The following USP17L7 variants were observed in gnomAD, a reference collection of about 807,000 sequenced individuals.
USP17L7 encodes inactive ubiquitin carboxyl-terminal hydrolase 17-like protein 7.
In USP17L7, 53 loss-of-function variants were observed where a neutral mutation model predicts 37.6. The ratio of observed to expected loss-of-function variants is 1.41; its 90% CI spans 1.13 to 1.77. The LOEUF (loss-of-function observed/expected upper bound fraction) is 1.77. USP17L7 is among the 40% of genes most tolerant of loss of function. The pLI is 0.00. For missense variants in USP17L7, 914 were observed against 645.0 expected, an observed-to-expected ratio of 1.42 and a Z score of -4.52; for synonymous variants, 330 against 251.0, an observed-to-expected ratio of 1.31 and a Z score of -2.98.
Position 12,132,994 on chromosome 8 carries a change from A to G in USP17L7, c.1016T>C (p.Val339Ala), listed in dbSNP as rs1339259945. The G allele has an allele frequency of 1.8e-5, 28 of 1,531,542 alleles. 3 individuals are homozygous for G. The highest frequency in any genetic ancestry group is 4.2e-5 in the African/African-American group (3 of 72,090). The allele number at this position is 1,531,542 out of a possible 1,614,324, so 94.9% of individuals were successfully genotyped here. A position where few individuals can be genotyped will look rare whatever the true frequency, so the allele number is the denominator to read the frequency against. The change falls in exon 1 of 1, where the codon GTC (valine) becomes GCC (alanine). Residue 339 changes from valine to alanine, a missense_variant. Val to Ala is a moderately conservative substitution (Grantham distance 64). Coordinates refer to ENST00000530447, the MANE Select transcript of USP17L7 (RefSeq NM_001256869.2). ...ATACCACTGGCCTTCTTGAGCTTTGACATAAGAGAAGTAATGTCCGTTGTG... is the reference window on the plus strand; with the variant it reads ...ATACCACTGGCCTTCTTGAGCTTTGGCATAAGAGAAGTAATGTCCGTTGTG... ...SCHNGHYFSY[V>A]KAQEGQWYKM...
Position 12,133,788 on chromosome 8 carries a change from TCTC to T in USP17L7, c.219_221del (p.Arg74del), listed in dbSNP as rs759940117. 11 of 1,500,700 alleles carry T rather than the reference TCTC, an allele frequency of 7.3e-6. No homozygotes were observed. Among genetic ancestry groups the T allele is most frequent in the Middle Eastern group, 2.5e-4 (1 of 4,076 alleles). 93.0% of individuals were successfully genotyped at this position (1,500,700 alleles called of 1,614,324 possible). A position where few individuals can be genotyped will look rare whatever the true frequency, so the allele number is the denominator to read the frequency against. ...GGAGCCCAGCCCCCACCGCAGCAGG[TCTC>T]CTGCTACTCAGAGGAAGCTTCTCCC... On this transcript the variant is annotated inframe_deletion, in exon 1 of 1. Transcript: ENST00000530447.
In USP17L7 at chr8:12,133,792, C is replaced by CT; in HGVS notation, c.217dup (p.Arg73LysfsTer83). Reference sequence around the variant, plus strand: ...CCCAGCCCCCACCGCAGCAGGTCTCCTGCTACTCAGAGGAAGCTTCTCCCT... The same window carrying CT: ...CCCAGCCCCCACCGCAGCAGGTCTCCTTGCTACTCAGAGGAAGCTTCTCCCT... On this transcript the variant is annotated frameshift_variant, in exon 1 of 1. Coordinates refer to ENST00000530447, the MANE Select transcript of USP17L7 (RefSeq NM_001256869.2). LOFTEE classifies it high-confidence loss of function. 1 of 1,511,842 alleles carries CT rather than the reference C, an allele frequency of 6.6e-7. No individual in the cohort carries two copies. The highest frequency in any genetic ancestry group is 9.0e-7 in the Non-Finnish European group (1 of 1,111,488). 93.7% of individuals were successfully genotyped at this position (1,511,842 alleles called of 1,614,324 possible).
In USP17L7 at chr8:12,133,307, G is replaced by C; in HGVS notation, c.703C>G (p.Gln235Glu). 6.6e-7 allele frequency: 1 copy of C among 1,514,442 alleles called. No individual in the cohort carries two copies. The highest frequency in any genetic ancestry group is 8.9e-7 in the Non-Finnish European group (1 of 1,118,824). 93.8% of individuals were successfully genotyped at this position (1,514,442 alleles called of 1,614,324 possible). ...LDIQAAQSVK[Q>E]ALEQLVKPKE... is the part of the protein sequence containing the mutation. The stretch of plus-strand genomic sequence containing the variant: ...GGCTTCACCAACTGTTCCAAAGCTT[G>C]CTTGACACTCTGAGCTGCCTGGATA... Residue 235 changes from glutamine (Q) to glutamate (E), a missense_variant, in exon 1 of 1, where the codon CAA becomes GAA. Physicochemically the swap from Gln to Glu is conservative, Grantham distance 29. Transcript: ENST00000530447.
rs1802994082 is a variant in USP17L7, at chr8:12,133,018, T to G, written c.992A>C (p.His331Pro). The G allele has an allele frequency of 6.5e-7, 1 of 1,527,658 alleles. No homozygotes were observed. The highest frequency in any genetic ancestry group is 2.6e-5 in the East Asian group (1 of 38,580). 94.6% of individuals were successfully genotyped at this position (1,527,658 alleles called of 1,614,324 possible). A position where few individuals can be genotyped will look rare whatever the true frequency, so the allele number is the denominator to read the frequency against. Residue 331 changes from histidine to proline, a missense_variant, in exon 1 of 1, where the codon CAC (histidine) becomes CCC (proline). Transcript: ENST00000530447. ...GACATAAGAGAAGTAATGTCCGTTG[T>G]GACAACTCCACCCAGCGTGGACCAG... is the stretch of plus-strand genomic sequence containing the variant. ...AVLVHAGWSC[H>P]NGHYFSYVKA...
Position 12,133,870 on chromosome 8 carries a change from G to A in USP17L7, c.140C>T (p.Thr47Ile), listed in dbSNP as rs765192902. 38 of 1,520,088 alleles carry A rather than the reference G, an allele frequency of 2.5e-5. 1 individual carries two copies. Among genetic ancestry groups the A allele is most frequent in the Non-Finnish European group, 2.2e-5 (25 of 1,118,940 alleles). The allele number at this position is 1,520,088 out of a possible 1,614,324, so 94.2% of individuals were successfully genotyped here. The change falls in exon 1 of 1, where the codon ACC (threonine) becomes ATC (isoleucine). Residue 47 changes from threonine to isoleucine, a missense_variant. Physicochemically the swap from Thr to Ile is moderately conservative, Grantham distance 89. Transcript: ENST00000530447. ...CAAATCATCACAGAGGTCGAAACGG[G>A]TCTCAGATGAGAGTGGTGACTTTTC... ...LSEKSPLSSE[T>I]RFDLCDDLAP...
rs1255185702 is a variant in USP17L7, at chr8:12,132,424, C to A, written c.1586G>T (p.Cys529Phe). 2 of 1,409,614 alleles carry A rather than the reference C, an allele frequency of 1.4e-6. No homozygotes were observed. Among genetic ancestry groups the A allele is most frequent in the Non-Finnish European group, 2.0e-6 (2 of 1,020,362 alleles). 87.3% of individuals were successfully genotyped at this position (1,409,614 alleles called of 1,614,324 possible). ...NKHSKRSLLV[C>F]Q ...TCGGTACTTCCACTGTGATCACTGGCACACAAGCAGAGATCTCTTGCTGTG... is the reference window on the plus strand; with the variant it reads ...TCGGTACTTCCACTGTGATCACTGGAACACAAGCAGAGATCTCTTGCTGTG... Residue 529 changes from cysteine to phenylalanine, a missense_variant, in exon 1 of 1, where the codon TGC becomes TTC. By Grantham distance (205) the Cys-to-Phe change is radical. Transcript: ENST00000530447.
rs765190409 is a variant in USP17L7, at chr8:12,132,909, G to A, written c.1101C>T (p.Ala367=). Residue 367 remains alanine, a synonymous_variant, in exon 1 of 1, where the codon GCC becomes GCT. Transcript: ENST00000530447. ...SGITSVLSQQ[A]YVLFYIQKSE... The stretch of plus-strand genomic sequence containing the variant: ...TCTTCTGGATGTAAAAGAGGACATA[G>A]GCCTGTTGACTCAGGACAGAGGTGA... 2 of 1,503,774 alleles carry A rather than the reference G, an allele frequency of 1.3e-6. No homozygotes were observed. Among genetic ancestry groups the A allele is most frequent in the Non-Finnish European group, 9.1e-7 (1 of 1,101,950 alleles). The allele number at this position is 1,503,774 out of a possible 1,614,324, so 93.2% of individuals were successfully genotyped here. A position where few individuals can be genotyped will look rare whatever the true frequency, so the allele number is the denominator to read the frequency against.
rs747207727 is a variant in USP17L7 at position 12,133,402 on chromosome 8, G to A, written c.608C>T (p.Ser203Phe). 1 of 1,451,456 alleles carries A rather than the reference G, an allele frequency of 6.9e-7. No homozygotes were observed. The highest frequency in any genetic ancestry group is 9.4e-7 in the Non-Finnish European group (1 of 1,063,890). 89.9% of individuals were successfully genotyped at this position (1,451,456 alleles called of 1,614,324 possible). The change falls in exon 1 of 1, where the codon TCT (serine) becomes TTT (phenylalanine). Residue 203 changes from serine to phenylalanine, a missense_variant. Transcript: ENST00000530447. The stretch of plus-strand genomic sequence containing the variant: ...GTGGCAGTGGAGATACTTGATTTGA[G>A]ATCTCCAATACGCTCCAAATATTTG... Reference protein sequence around the residue: ...IHQIFGAYWRSQIKYLHCHGV... With the variant: ...IHQIFGAYWRFQIKYLHCHGV...
In USP17L7 at chr8:12,132,951, C is replaced by T. The variant is rs574433245; in HGVS notation, c.1059G>A (p.Glu353=). ...EGQWYKMDDA[E]VTASGITSVL... ...CAGAGGTGATGCCAGAGGCAGTGAC[C>T]TCGGCATCATCCATTTTATACCACT... The change falls in exon 1 of 1, where the codon GAG becomes GAA. Residue 353 remains glutamate, a synonymous_variant. Coordinates refer to ENST00000530447, the MANE Select transcript of USP17L7 (RefSeq NM_001256869.2). 2.0e-6 allele frequency: 3 copies of T among 1,529,812 alleles called. No homozygotes were observed. In the African/African-American group the frequency reaches 4.2e-5, roughly 21 times the overall value. The allele number at this position is 1,529,812 out of a possible 1,614,324, so 94.8% of individuals were successfully genotyped here.
Position 12,132,461 on chromosome 8 carries a change from C to G in USP17L7, c.1549G>C (p.Gly517Arg). The G allele has an allele frequency of 6.9e-7, 1 of 1,448,650 alleles. No individual in the cohort carries two copies. Among genetic ancestry groups the G allele is most frequent in the Non-Finnish European group, 9.5e-7 (1 of 1,055,332 alleles). 89.7% of individuals were successfully genotyped at this position (1,448,650 alleles called of 1,614,324 possible). The change falls in exon 1 of 1, where the codon GGG becomes CGG. Residue 517 changes from glycine to arginine, a missense_variant. Physicochemically the swap from Gly to Arg is moderately radical, Grantham distance 125. Coordinates refer to ENST00000530447, the MANE Select transcript of USP17L7 (RefSeq NM_001256869.2). ...GATCTCTTGCTGTGTTTGTTATTCC[C>G]TTTGGATCTCCTGGTGCTCCCTTGC... ...SLQGSTRRSK[G>R]NNKHSKRSLL...
In USP17L7 at chr8:12,133,597, C is replaced by A. The variant is rs146951254; in HGVS notation, c.413G>T (p.Ser138Ile). ...MQAHITWALHSPGHVIQPSQV... is the reference protein window; with the variant it reads ...MQAHITWALHIPGHVIQPSQV... Reference sequence around the variant, plus strand: ...TGAGGGCTGGATGACATGGCCAGGACTGTGGAGGGCCCATGTGATGTGAGC... The same window carrying A: ...TGAGGGCTGGATGACATGGCCAGGAATGTGGAGGGCCCATGTGATGTGAGC... Residue 138 changes from serine (S) to isoleucine (I), a missense_variant, in exon 1 of 1, where the codon AGT becomes ATT. Ser to Ile is a moderately radical substitution (Grantham distance 142). Coordinates refer to ENST00000530447, the MANE Select transcript of USP17L7 (RefSeq NM_001256869.2). 3.8e-6 allele frequency: 5 copies of A among 1,302,528 alleles called. 1 individual carries two copies. In the South Asian group the frequency reaches 4.0e-5, roughly 10 times the overall value. 80.7% of individuals were successfully genotyped at this position (1,302,528 alleles called of 1,614,324 possible).
Position 12,132,926 on chromosome 8 carries a change from C to T in USP17L7, c.1084G>A (p.Val362Ile), listed in dbSNP as rs754405115. 1 of 1,524,060 alleles carries T rather than the reference C, an allele frequency of 6.6e-7. No individual in the cohort carries two copies. Among genetic ancestry groups the T allele is most frequent in the African/African-American group, 1.4e-5 (1 of 71,908 alleles). 94.4% of individuals were successfully genotyped at this position (1,524,060 alleles called of 1,614,324 possible). Residue 362 changes from valine (V) to isoleucine (I), a missense_variant, in exon 1 of 1, where the codon GTC becomes ATC. Val to Ile is a conservative substitution (Grantham distance 29, BLOSUM62 3). Transcript: ENST00000530447. ...AEVTASGITSVLSQQAYVLFY... is the reference protein window; with the variant it reads ...AEVTASGITSILSQQAYVLFY... ...AGGACATAGGCCTGTTGACTCAGGA[C>T]AGAGGTGATGCCAGAGGCAGTGACC...
At position 12,133,456 on chromosome 8, in the gene USP17L7, T is replaced by G. The variant is rs1252283746; in HGVS notation, c.554A>C (p.His185Pro). Residue 185 changes from histidine (H) to proline (P), a missense_variant, in exon 1 of 1, where the codon CAT becomes CCT. By Grantham distance (77) the His-to-Pro change is moderately conservative (BLOSUM62 -2). Coordinates refer to ENST00000530447, the MANE Select transcript of USP17L7 (RefSeq NM_001256869.2). Reference protein sequence around the residue: ...ACLPGHKQLDHHSKDTTLIHQ... With the variant: ...ACLPGHKQLDPHSKDTTLIHQ... ...GATGAGGGTGGTGTCCTTGGAGTGA[T>G]GATCTAGCTGCTTGTGCCCGGGAAG... 2.0e-6 allele frequency: 3 copies of G among 1,468,520 alleles called. No individual in the cohort carries two copies. Among genetic ancestry groups the G allele is most frequent in the South Asian group, 2.5e-5 (2 of 79,432 alleles). The allele number at this position is 1,468,520 out of a possible 1,614,324, so 91.0% of individuals were successfully genotyped here. A position where few individuals can be genotyped will look rare whatever the true frequency, so the allele number is the denominator to read the frequency against.
In USP17L7 at chr8:12,133,505, C is replaced by G; in HGVS notation, c.505G>C (p.Val169Leu). ...EDAHEFLMFT[V>L]DAMKKACLPG... Reference sequence around the variant, plus strand: ...AGGCATGCCTTTTTCATGGCATCCACAGTAAACATGAGAAATTCATGGGCA... The same window carrying G: ...AGGCATGCCTTTTTCATGGCATCCAGAGTAAACATGAGAAATTCATGGGCA... The change falls in exon 1 of 1, where the codon GTG becomes CTG. Residue 169 changes from valine to leucine, a missense_variant. Physicochemically the swap from Val to Leu is conservative, Grantham distance 32 (BLOSUM62 1). Coordinates refer to ENST00000530447, the MANE Select transcript of USP17L7 (RefSeq NM_001256869.2). 1 of 1,476,652 alleles carries G rather than the reference C, an allele frequency of 6.8e-7. No homozygotes were observed. Among genetic ancestry groups the G allele is most frequent in the Non-Finnish European group, 9.2e-7 (1 of 1,082,034 alleles). 91.5% of individuals were successfully genotyped at this position (1,476,652 alleles called of 1,614,324 possible).
Position 12,133,426 on chromosome 8 carries a change from T to C in USP17L7, c.584A>G (p.Gln195Arg). Residue 195 changes from glutamine (Q) to arginine (R), a missense_variant, in exon 1 of 1, where the codon CAA becomes CGA. By Grantham distance (43) the Gln-to-Arg change is conservative. Transcript: ENST00000530447. ...AGATCTCCAATACGCTCCAAATATT[T>C]GGTGGATGAGGGTGGTGTCCTTGGA... ...HHSKDTTLIH[Q>R]IFGAYWRSQI... is the part of the protein sequence containing the mutation. 1 of 1,458,586 alleles carries C rather than the reference T, an allele frequency of 6.9e-7. No individual in the cohort carries two copies. Among genetic ancestry groups the C allele is most frequent in the Non-Finnish European group, 9.3e-7 (1 of 1,069,690 alleles). The allele number at this position is 1,458,586 out of a possible 1,614,324, so 90.4% of individuals were successfully genotyped here. A position where few individuals can be genotyped will look rare whatever the true frequency, so the allele number is the denominator to read the frequency against.
chr8:12,133,723 T>C lies in USP17L7; in HGVS notation c.287A>G (p.Gln96Arg). The C allele has an allele frequency of 2.2e-6, 3 of 1,353,180 alleles. 1 individual carries two copies. The East Asian group carries it at 8.0e-5, about 36-fold the overall frequency. 83.8% of individuals were successfully genotyped at this position (1,353,180 alleles called of 1,614,324 possible). The change falls in exon 1 of 1, where the codon CAG becomes CGG. Residue 96 changes from glutamine to arginine, a missense_variant. By Grantham distance (43) the Gln-to-Arg change is conservative. Coordinates refer to ENST00000530447, the MANE Select transcript of USP17L7 (RefSeq NM_001256869.2). ...GNTFYVNVSL[Q>R]CLTYTLPLSN... ...AAGCGGCAGTGTGTATGTCAGGCAC[T>C]GCAGGGAAACGTTCACATAGAAGGT...
chr8:12,133,096 G>A lies in USP17L7; in HGVS notation c.914C>T (p.Pro305Leu). Residue 305 changes from proline to leucine, a missense_variant, in exon 1 of 1, where the codon CCA (proline) becomes CTA (leucine). By Grantham distance (98) the Pro-to-Leu change is moderately conservative. Coordinates refer to ENST00000530447, the MANE Select transcript of USP17L7 (RefSeq NM_001256869.2). ...VQYPKCRDMQ[P>L]YMSQQNTGPL... ...TCCTGTGTTCTGCTGAGACATGTAT[G>A]GCTGCATGTCACGGCACTTAGGATA... is the stretch of plus-strand genomic sequence containing the variant. The A allele has an allele frequency of 1.4e-6, 2 of 1,478,160 alleles. 1 individual carries two copies. The highest frequency in any genetic ancestry group is 5.3e-5 in the East Asian group (2 of 37,684). The allele number at this position is 1,478,160 out of a possible 1,614,324, so 91.6% of individuals were successfully genotyped here.
chr8:12,133,243 A>G lies in USP17L7; in HGVS notation c.767T>C (p.Leu256Pro), dbSNP rs776947783. The G allele has an allele frequency of 6.6e-6, 10 of 1,509,294 alleles. No homozygotes were observed. The highest frequency in any genetic ancestry group is 9.0e-6 in the Non-Finnish European group (10 of 1,111,606). 93.5% of individuals were successfully genotyped at this position (1,509,294 alleles called of 1,614,324 possible). ...LNGENAYHCGLCLQKAPASKT... is the reference protein window; with the variant it reads ...LNGENAYHCGPCLQKAPASKT... ...GGAGGCAGGCGCCTTCTGGAGACAA[A>G]GACCACAATGATAGGCATTCTCTCC... Residue 256 changes from leucine (L) to proline (P), a missense_variant, in exon 1 of 1, where the codon CTT (leucine) becomes CCT (proline). By Grantham distance (98) the Leu-to-Pro change is moderately conservative. Coordinates refer to ENST00000530447, the MANE Select transcript of USP17L7 (RefSeq NM_001256869.2).
Position 12,133,672 on chromosome 8 carries a change from T to G in USP17L7, c.338A>C (p.Asp113Ala). The G allele has an allele frequency of 8.0e-7, 1 of 1,243,324 alleles. No homozygotes were observed. Among genetic ancestry groups the G allele is most frequent in the Non-Finnish European group, 1.2e-6 (1 of 867,940 alleles). 77.0% of individuals were successfully genotyped at this position (1,243,324 alleles called of 1,614,324 possible). A position where few individuals can be genotyped will look rare whatever the true frequency, so the allele number is the denominator to read the frequency against. The change falls in exon 1 of 1, where the codon GAC (aspartate) becomes GCC (alanine). Residue 113 changes from aspartate to alanine, a missense_variant. Transcript: ENST00000530447. ...PLSNYMLSRE[D>A]SQTCHLHKCC... ...CTTGTGAAGATGACACGTTTGAGAG[T>G]CCTCCCGGGACAGCATGTAGTTGGA...
Sources: gnomAD v4.1 joint callset for allele counts on GRCh38, gnomAD v4.1.1 for gene constraint, MANE v1.5 for transcripts, NCBI Gene and HGNC (gene_info 2026-07-23, HGNC 2026-07-21) for gene names.